The following NTNG1 variants were observed in gnomAD, a reference collection of about 807,000 sequenced individuals.
NTNG1 encodes netrin G1.
NTNG1 carries 16 observed loss-of-function variants against 54.0 expected under a neutral mutation model. The ratio of observed to expected loss-of-function variants is 0.30; its 90% CI spans 0.20 to 0.45. The LOEUF (loss-of-function observed/expected upper bound fraction) is 0.45. NTNG1 is among the 20% of genes least tolerant of loss of function. NTNG1 has a pLI of 1.00. For missense variants in NTNG1, 530 were observed against 678.7 expected, an observed-to-expected ratio of 0.78 and a Z score of 2.43; for synonymous variants, 255 against 263.1, an observed-to-expected ratio of 0.97 and a Z score of 0.30.
intron 2 of NTNG1, among the ~76,000 whole-genome samples, chr1:107,234,984 T>C (rs899092360): frequency 6.6e-6 from 1 of 151,872 alleles, no homozygotes; most frequent in Non-Finnish European, 1.5e-5. Flanking sequence ...AGCTAACTTT[T>C]ATTGGGTGCT....
intron 2 of NTNG1, among the ~76,000 whole-genome samples, chr1:107,247,292 T>G (rs1570950210): frequency 6.6e-6 from 1 of 152,188 alleles, no homozygotes; most frequent in Admixed American, 6.5e-5. Flanking sequence ...TTCTATCTCT[T>G]TCAGTCGTAA....
chr1:107,214,838 G>A (rs1659843573), intron 2 of NTNG1, among the ~76,000 whole-genome samples: 1 of 151,008 alleles, frequency 6.6e-6, no homozygotes, highest in South Asian at 2.1e-4. Flanking sequence ...GCAGGAGTGA[G>A]GTGGTATCAC....
intron 4 of NTNG1, among the ~76,000 whole-genome samples, chr1:107,406,102 T>A (rs1673399074): frequency 6.6e-6 from 1 of 152,194 alleles, no homozygotes; most frequent in Admixed American, 6.6e-5. Context: ...TTTTTGTGTT[T>A]CTAATAACTA....
At chr1:107,144,003 A>G (rs1653930505) in intron 1 of NTNG1, among the ~76,000 whole-genome samples, 1 of 152,116 alleles carries the variant, frequency 6.6e-6, no homozygotes, top group Admixed American at 6.5e-5. Flanking sequence ...ATCAAGTGTG[A>G]GTAAGCTATG....
intron 3 of NTNG1, among the ~76,000 whole-genome samples, chr1:107,343,665 T>TGAGG (rs1669053495): frequency 6.6e-6 from 1 of 152,112 alleles, no homozygotes; most frequent in African/African-American, 2.4e-5. Context: ...AATGAAAAGC[T>TGAGG]GCTTCTGAGG....
At chr1:107,248,419 A>T (rs921310787) in intron 2 of NTNG1, among the ~76,000 whole-genome samples, 2 of 152,296 alleles carry the variant, frequency 1.3e-5, no homozygotes, top group Admixed American at 6.5e-5. Flanking sequence ...TGGTTTAGGA[A>T]AGTCTGGGAT....
At chr1:107,241,800 A>AG (rs1453920498) in intron 2 of NTNG1, among the ~76,000 whole-genome samples, 6 of 152,186 alleles carry the variant, frequency 3.9e-5, no homozygotes, top group African/African-American at 1.4e-4. Context: ...GGGCAAAAAA[A>AG]GTCGGGAGGG....
intron 3 of NTNG1, among the ~76,000 whole-genome samples, chr1:107,389,819 A>G (rs1006831638): frequency 3.9e-5 from 6 of 152,202 alleles, no homozygotes; most frequent in African/African-American, 1.4e-4. Flanking sequence ...GACTGCTAGC[A>G]GAGCCTTTTC....
intron 2 of NTNG1, among the ~76,000 whole-genome samples, chr1:107,159,492 G>T (rs1655255282): frequency 1.3e-5 from 2 of 152,094 alleles, no homozygotes; most frequent in South Asian, 4.1e-4. Context: ...GGACTGTGTT[G>T]GTTCTTATAA....
In NTNG1 at chr1:107,193,673, A is replaced by G. The variant is rs114791828; in HGVS notation, c.246+44834A>G. Among the ~76,000 whole-genome samples the G allele has an allele frequency of 2.9e-3, 446 of 152,044 alleles. 2 individuals are homozygous for G. The highest frequency in any genetic ancestry group is 9.1e-3 in the African/African-American group (379 of 41,522). The stretch of plus-strand genomic sequence containing the variant: ...GGTCCAAGTGAAGGTTCAGGCATTA[A>G]GACTACAAGGTTTATATTTTTAATG... On this transcript the variant is annotated intron_variant, in intron 2 of 7. Transcript: ENST00000370068.
chr1:107,248,067 T>C (rs1662317489), intron 2 of NTNG1, among the ~76,000 whole-genome samples: 1 of 152,236 alleles, frequency 6.6e-6, no homozygotes, highest in Non-Finnish European at 1.5e-5. Flanking sequence ...TTTTATTTTT[T>C]AGCAATCCTA....
At chr1:107,210,540 G>A (rs925337319) in intron 2 of NTNG1, among the ~76,000 whole-genome samples, 1 of 152,178 alleles carries the variant, frequency 6.6e-6, no homozygotes, top group Non-Finnish European at 1.5e-5. Flanking sequence ...ATTGTGCCTG[G>A]CAGCTCAGGC....
intron 2 of NTNG1, among the ~76,000 whole-genome samples, chr1:107,169,729 G>A (rs12735289): frequency 1.3e-5 from 2 of 152,264 alleles, no homozygotes; most frequent in South Asian, 4.1e-4. Context: ...CCTTGCACTA[G>A]CCTACTATAT....
At chr1:107,321,820 C>T (rs1215333496) in intron 2 of NTNG1, among the ~76,000 whole-genome samples, 1 of 152,054 alleles carries the variant, frequency 6.6e-6, no homozygotes, top group Non-Finnish European at 1.5e-5. Flanking sequence ...TACAACAGGG[C>T]TACAACAGAG....
chr1:107,481,283 T>C lies in NTNG1; in HGVS notation c.*443T>C. On this transcript the variant is annotated 3_prime_UTR_variant, in exon 8 of 8. Coordinates refer to ENST00000370068, the MANE Select transcript of NTNG1 (RefSeq NM_001113226.3). ...TGCATTGTGGGCATAAGGAAATCTG[T>C]TACAAGCTGCCATATTGGCCTGCTT... The C allele has an allele frequency of 6.0e-6, 1 of 167,292 alleles. No homozygotes were observed. Among genetic ancestry groups the C allele is most frequent in the African/African-American group, 2.4e-5 (1 of 42,228 alleles). 10.4% of individuals were successfully genotyped at this position (167,292 alleles called of 1,614,324 possible).
At chr1:107,455,455 T>C (rs1055644137) in intron 7 of NTNG1, among the ~76,000 whole-genome samples, 1 of 152,236 alleles carries the variant, frequency 6.6e-6, no homozygotes, top group African/African-American at 2.4e-5. Context: ...ACCTGAGGGT[T>C]GGATGCTGGA....
chr1:107,292,051 G>T (rs1165567145), intron 2 of NTNG1, among the ~76,000 whole-genome samples: 1 of 151,846 alleles, frequency 6.6e-6, no homozygotes, highest in African/African-American at 2.4e-5. Flanking sequence ...GAAGGCAATG[G>T]GTTGATAAAC....
chr1:107,404,265 G>C (rs972581458), intron 4 of NTNG1, among the ~76,000 whole-genome samples: 2 of 151,910 alleles, frequency 1.3e-5, no homozygotes, highest in Non-Finnish European at 2.9e-5. Context: ...GAAGATCCGA[G>C]AAAAAGAATA....
chr1:107,453,559 C>T (rs987289588), intron 7 of NTNG1, among the ~76,000 whole-genome samples: 1 of 152,118 alleles, frequency 6.6e-6, no homozygotes, highest in African/African-American at 2.4e-5. Flanking sequence ...CAGGGGGTTT[C>T]TTCGGTCCAG....
Sources: allele counts gnomAD v4.1 joint callset (sites outside exome capture counted in the v4.1 genomes callset), GRCh38; gene constraint gnomAD v4.1.1; transcripts MANE v1.5; gene names NCBI Gene and HGNC (gene_info 2026-07-23, HGNC 2026-07-21).